Variants in LGR4 observed in about 807,000 individuals in gnomAD.
The protein encoded by LGR4 is leucine rich repeat containing G protein-coupled receptor 4.
LGR4 carries 44 observed loss-of-function variants against 84.8 expected under a neutral mutation model. That is an observed-to-expected ratio of 0.52 (90% CI 0.41 to 0.67). LGR4 has a LOEUF of 0.67. Among genes scored for constraint, LGR4 ranks in the 30% least tolerant of loss-of-function variants. LGR4 has a pLI of 0.00. For synonymous variants in LGR4, 429 were observed against 434.3 expected (o/e 0.99, Z 0.15); for missense variants, 1,032 against 1,131.4 (o/e 0.91, Z 1.26).
chr11:27,420,449 G>A (rs1047281533), intron 1 of LGR4, among the ~76,000 whole-genome samples: 3 of 152,134 alleles, frequency 2.0e-5, no homozygotes, highest in Non-Finnish European at 4.4e-5. Flanking sequence ...TATGACGTGT[G>A]ACTCAGCAAG....
intron 1 of LGR4, among the ~76,000 whole-genome samples, chr11:27,458,618 A>C (rs1366155239): frequency 1.3e-5 from 2 of 151,844 alleles, no homozygotes; most frequent in Non-Finnish European, 2.9e-5. Context: ...AGCTTACTAC[A>C]ACCTTTGCCT....
At chr11:27,395,912 A>G (rs1423755938) in intron 2 of LGR4, among the ~76,000 whole-genome samples, 1 of 152,244 alleles carries the variant, frequency 6.6e-6, no homozygotes, top group Admixed American at 6.5e-5. Flanking sequence ...CTAAAAGCTC[A>G]GATTCAGAAA....
In LGR4 at chr11:27,472,122, C is replaced by G; in HGVS notation, c.181G>C (p.Ala61Pro). The change falls in exon 1 of 18, where the codon GCG becomes CCG. Residue 61 changes from alanine (A) to proline (P), a missense_variant. Physicochemically the swap from Ala to Pro is conservative, Grantham distance 27 (BLOSUM62 -1). Transcript: ENST00000379214. Reference sequence around the variant, plus strand: ...GTCCCCGCCGCCCGCACTCACAGCGCTTGGGTGAAGGCGCTGAGCCCCTCG... The same window carrying G: ...GTCCCCGCCGCCCGCACTCACAGCGGTTGGGTGAAGGCGCTGAGCCCCTCG... ...VPEGLSAFTQ[A>P]LDISMNNITQ... 7.7e-7 allele frequency: 1 copy of G among 1,295,406 alleles called. No homozygotes were observed. The highest frequency in any genetic ancestry group is 9.8e-7 in the Non-Finnish European group (1 of 1,018,234). 80.2% of individuals were successfully genotyped at this position (1,295,406 alleles called of 1,614,324 possible). A position where few individuals can be genotyped will look rare whatever the true frequency, so the allele number is the denominator to read the frequency against.
chr11:27,446,763 T>C (rs1411102439), intron 1 of LGR4, among the ~76,000 whole-genome samples: 2 of 152,134 alleles, frequency 1.3e-5, no homozygotes, highest in Non-Finnish European at 2.9e-5. Context: ...CTATTCACAA[T>C]AGCAAAGACT....
chr11:27,460,098 G>C (rs1368382971), intron 1 of LGR4, among the ~76,000 whole-genome samples: 1 of 151,970 alleles, frequency 6.6e-6, no homozygotes, highest in Non-Finnish European at 1.5e-5. Context: ...TCAAAAAAAA[G>C]AATAAGAGCT....
intron 1 of LGR4, among the ~76,000 whole-genome samples, chr11:27,452,748 C>A (rs1469484951): frequency 6.6e-6 from 1 of 150,692 alleles, no homozygotes; most frequent in African/African-American, 2.4e-5. Context: ...CTCAGCCTCC[C>A]GAGTAGCTGG....
intron 1 of LGR4, among the ~76,000 whole-genome samples, chr11:27,450,333 C>T (rs972912147): frequency 6.6e-6 from 1 of 152,186 alleles, no homozygotes; most frequent in Non-Finnish European, 1.5e-5. Flanking sequence ...ACAATTAATA[C>T]TTTTCAACTC....
At chr11:27,436,769 T>C (rs1432720422) in intron 1 of LGR4, among the ~76,000 whole-genome samples, 1 of 152,154 alleles carries the variant, frequency 6.6e-6, no homozygotes, top group Non-Finnish European at 1.5e-5. Context: ...GTTAATATCG[T>C]TTGTTCATAT....
intron 1 of LGR4, among the ~76,000 whole-genome samples, chr11:27,414,747 C>G (rs910415498): frequency 9.6e-5 from 14 of 146,192 alleles, no homozygotes; most frequent in African/African-American, 3.2e-4. Flanking sequence ...GAAATGGCAC[C>G]AAAACAGGGG....
At chr11:27,467,404 A>G (rs1260196451) in intron 1 of LGR4, among the ~76,000 whole-genome samples, 1 of 151,910 alleles carries the variant, frequency 6.6e-6, no homozygotes, top group African/African-American at 2.4e-5. Context: ...CGACTCTACT[A>G]AAGATACAAA....
At chr11:27,380,738 AT>A in intron 8 of LGR4, 27 bp from the exon 9 acceptor site, 1 of 1,483,342 alleles carries the variant, frequency 6.7e-7, no homozygotes, top group East Asian at 2.3e-5. Flanking sequence ...AAAAAGTAAA[AT>A]TTTCATATGT....
chr11:27,467,800 G>A (rs368045680), intron 1 of LGR4, among the ~76,000 whole-genome samples: 1 of 152,106 alleles, frequency 6.6e-6, no homozygotes, highest in South Asian at 2.1e-4. Context: ...AGAACACATG[G>A]TTCACTAGTT....
rs1239506699 is a variant in LGR4, at chr11:27,399,600, A to G, written c.258-7082T>C. Reference sequence around the variant, plus strand: ...AGTGGCGTGATCTCTGCTCACTGCAACCTCAGCCTCCTGGGTTCAAGCAAT... The same window carrying G: ...AGTGGCGTGATCTCTGCTCACTGCAGCCTCAGCCTCCTGGGTTCAAGCAAT... On this transcript the variant is annotated intron_variant, in intron 2 of 17. Coordinates refer to ENST00000379214, the MANE Select transcript of LGR4 (RefSeq NM_018490.5). Among the ~76,000 whole-genome samples the G allele has an allele frequency of 2.0e-5, 3 of 151,524 alleles. No homozygotes were observed. The East Asian group carries it at 5.8e-4, about 30-fold the overall frequency.
At chr11:27,377,502 CATAA>C (rs1863007292) in intron 11 of LGR4, among the ~76,000 whole-genome samples, 1 of 150,994 alleles carries the variant, frequency 6.6e-6, no homozygotes, top group Admixed American at 6.6e-5. Flanking sequence ...AAGTACATAA[CATAA>C]ATATATAAAA....
intron 6 of LGR4, among the ~76,000 whole-genome samples, chr11:27,382,834 T>C (rs1297056721): frequency 1.3e-5 from 2 of 151,940 alleles, no homozygotes; most frequent in South Asian, 2.1e-4. Context: ...CTGGCCAACA[T>C]AGTGAAAACC....
intron 4 of LGR4, among the ~76,000 whole-genome samples, chr11:27,390,502 TG>T (rs1241056949): frequency 1.3e-5 from 2 of 152,136 alleles, no homozygotes; most frequent in African/African-American, 4.8e-5. Context: ...CTCCCCCTAG[TG>T]AGTCTGTTGC....
At chr11:27,443,614 A>G (rs1429673543) in intron 1 of LGR4, among the ~76,000 whole-genome samples, 2 of 152,256 alleles carry the variant, frequency 1.3e-5, no homozygotes, top group African/African-American at 4.8e-5. Context: ...AAATATGTAC[A>G]TAGGTATTTA....
intron 2 of LGR4, among the ~76,000 whole-genome samples, chr11:27,398,030 A>G (rs1863423401): frequency 6.6e-6 from 1 of 152,242 alleles, no homozygotes; most frequent in East Asian, 1.9e-4. Flanking sequence ...CAATGTCTCT[A>G]TGAATCTCTT....
intron 2 of LGR4, among the ~76,000 whole-genome samples, chr11:27,394,843 A>C (rs1174132090): frequency 2.0e-5 from 3 of 151,992 alleles, no homozygotes; most frequent in Non-Finnish European, 4.4e-5. Flanking sequence ...CTTGTACATT[A>C]GTCTTGTGGG....
Sources: allele counts gnomAD v4.1 joint callset (sites outside exome capture counted in the v4.1 genomes callset), GRCh38; gene constraint gnomAD v4.1.1; transcripts MANE v1.5; gene names NCBI Gene and HGNC (gene_info 2026-07-23, HGNC 2026-07-21).